Variants in NELL2 observed in about 807,000 individuals in gnomAD.
NELL2 encodes neural EGFL like 2.
Under a neutral mutation model 109.6 loss-of-function variants are expected in NELL2, and 41 were observed. That is an observed-to-expected ratio of 0.37 (90% CI 0.29 to 0.49). NELL2 has a LOEUF of 0.49. Ranked by LOEUF, NELL2 falls within the 20% of genes least tolerant of loss-of-function variation. The pLI is 0.98. For missense variants in NELL2, 900 were observed against 1,008.3 expected (o/e 0.89, Z 1.45); for synonymous variants, 355 against 344.7 (o/e 1.03, Z -0.33).
At chr12:44,774,117 A>T (rs1461113929) in intron 9 of NELL2, among the ~76,000 whole-genome samples, 1 of 152,248 alleles carries the variant, frequency 6.6e-6, no homozygotes, top group Non-Finnish European at 1.5e-5. Flanking sequence ...AAGAAACATA[A>T]ATAAATTATT....
chr12:44,834,114 G>T (rs1943972951), intron 2 of NELL2, among the ~76,000 whole-genome samples: 1 of 152,064 alleles, frequency 6.6e-6, no homozygotes, highest in East Asian at 1.9e-4. Flanking sequence ...ATATGTAAAA[G>T]ATACAATAAT....
At chr12:44,542,630 C>T (rs796155362) in intron 15 of NELL2, among the ~76,000 whole-genome samples, 32 of 152,170 alleles carry the variant, frequency 2.1e-4, no homozygotes, top group African/African-American at 7.5e-4. Context: ...CTGGTGTTTT[C>T]GTAAGAAAAG....
At chr12:44,761,187 C>A (rs1941110083) in intron 9 of NELL2, among the ~76,000 whole-genome samples, 1 of 152,034 alleles carries the variant, frequency 6.6e-6, no homozygotes, top group Non-Finnish European at 1.5e-5. Flanking sequence ...CATGGAGAAA[C>A]CCCATCTCTA....
At chr12:44,517,267 A>G (rs907513470) in intron 19 of NELL2, among the ~76,000 whole-genome samples, 13 of 152,052 alleles carry the variant, frequency 8.5e-5, no homozygotes, top group African/African-American at 2.7e-4. Flanking sequence ...CGAGTTATCT[A>G]TTCTAATGTT....
chr12:44,531,717 T>G (rs1269320064), intron 16 of NELL2, among the ~76,000 whole-genome samples: 1 of 152,236 alleles, frequency 6.6e-6, no homozygotes, highest in Non-Finnish European at 1.5e-5. Context: ...TAGGTTAGAT[T>G]GTCAAAAGCT....
intron 2 of NELL2, among the ~76,000 whole-genome samples, chr12:44,824,276 A>T (rs777587972): frequency 6.6e-6 from 1 of 152,112 alleles, no homozygotes; most frequent in Non-Finnish European, 1.5e-5. Flanking sequence ...GTTTGGTGCA[A>T]TCTCATTTGC....
chr12:44,877,830 T>C (rs1945365059), upstream of NELL2, among the ~76,000 whole-genome samples: 1 of 152,176 alleles, frequency 6.6e-6, no homozygotes, highest in South Asian at 2.1e-4. Flanking sequence ...TTTCAGTACT[T>C]ACAAGTGATA....
chr12:44,510,031 A>G (rs1211756789), intron 19 of NELL2, among the ~76,000 whole-genome samples: 1 of 152,204 alleles, frequency 6.6e-6, no homozygotes, highest in Non-Finnish European at 1.5e-5. Flanking sequence ...CCAGATATGC[A>G]TAATTAGTTT....
At chr12:44,785,044 A>G (rs1231272308) in intron 3 of NELL2, among the ~76,000 whole-genome samples, 3 of 152,338 alleles carry the variant, frequency 2.0e-5, no homozygotes, top group East Asian at 3.9e-4. Context: ...CAATCAGGCA[A>G]GAGGAAGAAA....
At chr12:44,630,960 T>C (rs1400254180) in intron 13 of NELL2, among the ~76,000 whole-genome samples, 1 of 152,022 alleles carries the variant, frequency 6.6e-6, no homozygotes, top group African/African-American at 2.4e-5. Flanking sequence ...GCCTAAAATC[T>C]TTTTTCTTCT....
intron 13 of NELL2, among the ~76,000 whole-genome samples, chr12:44,642,149 C>T (rs1410310473): frequency 6.6e-6 from 1 of 152,052 alleles, no homozygotes; most frequent in Admixed American, 6.6e-5. Context: ...TATGAGTCAC[C>T]AGGGATACAT....
At chr12:44,766,487 G>C (rs13377787) in intron 9 of NELL2, among the ~76,000 whole-genome samples, 6,330 of 152,212 alleles carry the variant, frequency 0.042, 396 homozygotes, top group African/African-American at 0.14. Context: ...TCTCATTCTT[G>C]CCTATTCTTA....
chr12:44,839,430 A>G (rs960378840), intron 2 of NELL2, among the ~76,000 whole-genome samples: 6 of 152,206 alleles, frequency 3.9e-5, no homozygotes, highest in Non-Finnish European at 7.3e-5. Context: ...ATTTGTAACA[A>G]TGACCCAGAT....
intron 15 of NELL2, among the ~76,000 whole-genome samples, chr12:44,596,803 A>G (rs1279553754): frequency 6.6e-6 from 1 of 152,146 alleles, no homozygotes; most frequent in Admixed American, 6.5e-5. Flanking sequence ...AATTTGCCCT[A>G]TTCCACATAG....
rs1354796585 is a variant in NELL2 at position 44,575,783 on chromosome 12, T to C, written c.1663+31386A>G. On this transcript the variant is annotated intron_variant, in intron 15 of 19. Transcript: ENST00000429094. Reference sequence around the variant, plus strand: ...CATCTCTCACATTGAATAGACCTTCTGATTTTTCTTCTCACTCCCACTTTG... The same window carrying C: ...CATCTCTCACATTGAATAGACCTTCCGATTTTTCTTCTCACTCCCACTTTG... Among the ~76,000 whole-genome samples the C allele has an allele frequency of 3.9e-5, 6 of 152,264 alleles. No individual in the cohort carries two copies. In the South Asian group the frequency reaches 6.2e-4, roughly 16 times the overall value.
At chr12:44,862,491 T>C (rs556639123) in intron 2 of NELL2, among the ~76,000 whole-genome samples, 1 of 152,344 alleles carries the variant, frequency 6.6e-6, no homozygotes, top group East Asian at 1.9e-4. Context: ...GAATTGATTA[T>C]TCTGGTGATT....
chr12:44,790,228 A>C (rs1351776270), intron 3 of NELL2, among the ~76,000 whole-genome samples: 1 of 152,190 alleles, frequency 6.6e-6, no homozygotes, highest in East Asian at 1.9e-4. Flanking sequence ...GTGAAACAAA[A>C]GCACCAGGTA....
rs1555217656 is a variant in NELL2 at position 44,791,070 on chromosome 12, T to TATATATATAC, written c.336-11049_336-11048insGTATATATAT. ...ACACCAAGAAGAAAGTTCAAGTATA[T>TATATATATAC]ATATATATATACATATATATATATA... is the stretch of plus-strand genomic sequence containing the variant. On this transcript the variant is annotated intron_variant, in intron 3 of 19. Coordinates refer to ENST00000429094, the MANE Select transcript of NELL2 (RefSeq NM_001145108.2). Among the ~76,000 whole-genome samples the TATATATATAC allele has an allele frequency of 6.8e-3, 71 of 10,408 alleles. 4 individuals carry two copies. The highest frequency in any genetic ancestry group is 0.021 in the South Asian group (1 of 48). The allele number at this position is 10,408 out of a possible 152,430, so 6.8% of individuals were successfully genotyped here. A position where few individuals can be genotyped will look rare whatever the true frequency, so the allele number is the denominator to read the frequency against.
chr12:44,897,725 T>C (rs1945610642), intron 1 of NELL2, among the ~76,000 whole-genome samples: 1 of 152,058 alleles, frequency 6.6e-6, no homozygotes, highest in South Asian at 2.1e-4. Context: ...GCTGCAGTTT[T>C]TTTTCATACC....
Sources: gnomAD v4.1 joint callset for allele counts (sites outside exome capture counted in the v4.1 genomes callset) on GRCh38, gnomAD v4.1.1 for gene constraint, MANE v1.5 for transcripts, NCBI Gene and HGNC (gene_info 2026-07-23, HGNC 2026-07-21) for gene names.